Variants in LIN28B observed in about 807,000 individuals in gnomAD.
LIN28B encodes the protein protein lin-28 homolog B.
Under a neutral mutation model 21.9 loss-of-function variants are expected in LIN28B, and 5 were observed. The ratio of observed to expected loss-of-function variants is 0.23; its 90% CI spans 0.12 to 0.48. The LOEUF (loss-of-function observed/expected upper bound fraction) is 0.48. Ranked by LOEUF, LIN28B falls within the 20% of genes least tolerant of loss-of-function variation. The probability of loss-of-function intolerance (pLI) is 0.98; values close to 1 mark genes in which losing one functional copy is unlikely to be tolerated. For missense variants in LIN28B, 245 were observed against 310.5 expected (o/e 0.79, Z 1.58); for synonymous variants, 109 against 111.3 (o/e 0.98, Z 0.13).
At chr6:105,031,174 A>G (rs546980726) in intron 3 of LIN28B, among the ~76,000 whole-genome samples, 3 of 152,054 alleles carry the variant, frequency 2.0e-5, no homozygotes, top group Admixed American at 2.0e-4. Flanking sequence ...AGTCTGAACC[A>G]TGGATTTCTG....
intron 2 of LIN28B, among the ~76,000 whole-genome samples, chr6:105,005,393 A>C (rs1011187600): frequency 6.6e-6 from 1 of 152,076 alleles, no homozygotes; most frequent in Non-Finnish European, 1.5e-5. Flanking sequence ...ACTATTCTCA[A>C]TAAAGTGTTC....
intron 3 of LIN28B, among the ~76,000 whole-genome samples, chr6:105,067,161 G>T (rs547843939): frequency 2.0e-5 from 3 of 152,264 alleles, no homozygotes; most frequent in Admixed American, 1.3e-4. Flanking sequence ...ATCTAAGCAA[G>T]CACCTAATTT....
At chr6:105,031,505 G>A (rs1056709227) in intron 3 of LIN28B, among the ~76,000 whole-genome samples, 2 of 151,040 alleles carry the variant, frequency 1.3e-5, no homozygotes, top group Non-Finnish European at 3.0e-5. Flanking sequence ...ATATTAAATT[G>A]TCATATAGTA....
At chr6:105,007,167 A>G (rs1770833960) in intron 2 of LIN28B, among the ~76,000 whole-genome samples, 1 of 152,242 alleles carries the variant, frequency 6.6e-6, no homozygotes, top group Admixed American at 6.5e-5. Context: ...TGTTAAGTAA[A>G]TATACTGTTA....
At chr6:104,944,961 CA>C (rs1778139946) in intron 2 of LIN28B, among the ~76,000 whole-genome samples, 1 of 152,018 alleles carries the variant, frequency 6.6e-6, no homozygotes, top group Non-Finnish European at 1.5e-5. Flanking sequence ...GGTGGAAAAA[CA>C]TGTTTACAAT....
chr6:104,991,497 CG>C (rs1770478043), intron 2 of LIN28B, among the ~76,000 whole-genome samples: 1 of 150,890 alleles, frequency 6.6e-6, no homozygotes, highest in African/African-American at 2.4e-5. Flanking sequence ...GACGGGATGG[CG>C]GCCGGGAAGA....
intron 2 of LIN28B, among the ~76,000 whole-genome samples, chr6:104,942,181 T>G (rs1281481813): frequency 6.6e-6 from 1 of 152,218 alleles, no homozygotes; most frequent in Admixed American, 6.5e-5. Flanking sequence ...TCTATTGTAG[T>G]TTTTTATTTA....
In LIN28B at chr6:105,079,208, C is replaced by T. The variant is rs1436295773; in HGVS notation, c.*425C>T. On this transcript the variant is annotated 3_prime_UTR_variant, in exon 4 of 4. Transcript: ENST00000345080. ...TATAGATAGTTTTAAATTTAACCCA[C>T]TGGAGTTTTCTTGAAATACCACTTC... 1.9e-5 allele frequency: 3 copies of T among 154,084 alleles called. No individual in the cohort carries two copies. The highest frequency in any genetic ancestry group is 7.2e-5 in the African/African-American group (3 of 41,440). 9.5% of individuals were successfully genotyped at this position (154,084 alleles called of 1,614,324 possible).
chr6:105,003,584 C>G (rs940265699), intron 2 of LIN28B, among the ~76,000 whole-genome samples: 1 of 151,958 alleles, frequency 6.6e-6, no homozygotes, highest in Non-Finnish European at 1.5e-5. Context: ...GCAATCTTGG[C>G]TCACTGCAAC....
At chr6:104,959,535 G>A (rs1365115486) in intron 2 of LIN28B, among the ~76,000 whole-genome samples, 2 of 152,124 alleles carry the variant, frequency 1.3e-5, no homozygotes, top group African/African-American at 4.8e-5. Context: ...TCCTGACCTT[G>A]CTGTGTGGTG....
intron 3 of LIN28B, among the ~76,000 whole-genome samples, chr6:105,053,714 C>CATGTGTGTGTGTGTGTGTGTGTGT (rs61525783): frequency 3.4e-5 from 5 of 147,388 alleles, no homozygotes; most frequent in African/African-American, 1.3e-4. Flanking sequence ...TGTGTGGGTG[C>CATGTGTGTGTGTGTGTGTGTGTGT]GTGTGTGTGT....
At chr6:105,011,282 C>T (rs929740804) in intron 2 of LIN28B, among the ~76,000 whole-genome samples, 5 of 152,138 alleles carry the variant, frequency 3.3e-5, no homozygotes, top group Admixed American at 6.5e-5. Flanking sequence ...CTCTGTCTCC[C>T]TGGGCTCTGG....
At chr6:104,987,456 G>T (rs1053361862) in intron 2 of LIN28B, among the ~76,000 whole-genome samples, 1 of 151,936 alleles carries the variant, frequency 6.6e-6, no homozygotes, top group African/African-American at 2.4e-5. Flanking sequence ...GGGTCCTGCC[G>T]CCTCAGCCTC....
intron 3 of LIN28B, among the ~76,000 whole-genome samples, chr6:104,951,534 AT>A (rs1001464665): frequency 3.9e-5 from 6 of 151,922 alleles, no homozygotes; most frequent in Admixed American, 6.6e-5. Context: ...TTAATTTTTT[AT>A]TTTTTTCCCC....
At chr6:105,061,231 A>C (rs936405841) in intron 3 of LIN28B, among the ~76,000 whole-genome samples, 3 of 152,220 alleles carry the variant, frequency 2.0e-5, no homozygotes, top group Non-Finnish European at 2.9e-5. Context: ...GGTGAAGCAG[A>C]AAAATATTAA....
At chr6:104,989,690 C>T (rs116332392) in intron 2 of LIN28B, among the ~76,000 whole-genome samples, 1,714 of 106,032 alleles carry the variant, frequency 0.016, 32 homozygotes, top group African/African-American at 0.045. Flanking sequence ...GCCTCGCAGT[C>T]TCAAGCAATT....
intron 3 of LIN28B, among the ~76,000 whole-genome samples, chr6:105,076,366 G>A (rs187854315): frequency 2.0e-5 from 3 of 152,082 alleles, no homozygotes; most frequent in African/African-American, 7.2e-5. Flanking sequence ...TGGAGAAGCA[G>A]GCAATAGTTA....
chr6:104,977,096 C>T (rs1368637791), intron 2 of LIN28B, among the ~76,000 whole-genome samples: 6 of 152,054 alleles, frequency 3.9e-5, no homozygotes, highest in South Asian at 2.1e-4. Context: ...ATGATCATAG[C>T]TCACTATGTA....
intron 3 of LIN28B, among the ~76,000 whole-genome samples, chr6:105,064,249 C>T (rs1306541733): frequency 1.3e-5 from 2 of 152,086 alleles, no homozygotes; most frequent in South Asian, 2.1e-4. Context: ...GTGAGAGAAC[C>T]AAATGTTGTA....
Sources: allele counts gnomAD v4.1 joint callset (sites outside exome capture counted in the v4.1 genomes callset), GRCh38; gene constraint gnomAD v4.1.1; transcripts MANE v1.5; gene names NCBI Gene and HGNC (gene_info 2026-07-23, HGNC 2026-07-21).